Variants in TGFBR1 observed in about 807,000 individuals in gnomAD.
TGFBR1 encodes the protein transforming growth factor beta receptor 1.
In TGFBR1, 20 loss-of-function variants were observed where a neutral mutation model predicts 55.1. The ratio of observed to expected loss-of-function variants is 0.36; its 90% CI spans 0.26 to 0.53. The LOEUF (loss-of-function observed/expected upper bound fraction) is 0.53, where lower values mean the gene tolerates loss of function less well. Among genes scored for constraint, TGFBR1 ranks in the 20% least tolerant of loss-of-function variants. The pLI, the probability that TGFBR1 is intolerant of heterozygous loss-of-function variation, is 0.91. For synonymous variants in TGFBR1, 220 were observed against 214.8 expected, an observed-to-expected ratio of 1.02 and a Z score of -0.21; for missense variants, 385 against 617.6, an observed-to-expected ratio of 0.62 and a Z score of 3.99.
intron 1 of TGFBR1, chr9:99,127,787 T>C (rs1040997245): frequency 8.1e-6 from 3 of 370,764 alleles, no homozygotes; most frequent in Non-Finnish European, 1.6e-5. Flanking sequence ...TTGGAATGTT[T>C]GGATTTAAGA....
In TGFBR1 at chr9:99,126,503, G is replaced by C. The variant is rs10988717; in HGVS notation, c.98-2352G>C. On this transcript the variant is annotated intron_variant, in intron 1 of 8. Transcript: ENST00000374994. The stretch of plus-strand genomic sequence containing the variant: ...ATAAAAGTAATGCTTAGAAAACATG[G>C]GTTGAATGACTAATCATGAGTAAAG... 0.033 allele frequency among the ~76,000 whole-genome samples: 4,958 copies of C among 152,236 alleles called. 615 individuals carry two copies. The East Asian group carries it at 0.42, about 13-fold the overall frequency.
chr9:99,141,563 G>C (rs1021526626), intron 4 of TGFBR1, among the ~76,000 whole-genome samples: 1 of 152,122 alleles, frequency 6.6e-6, no homozygotes, highest in Non-Finnish European at 1.5e-5. Flanking sequence ...CTTTATTCTT[G>C]TATAAAAGGA....
intron 1 of TGFBR1, among the ~76,000 whole-genome samples, chr9:99,118,628 C>T (rs1048696431): frequency 6.7e-6 from 1 of 149,974 alleles, no homozygotes; most frequent in African/African-American, 2.5e-5. Flanking sequence ...GCCAAACTCC[C>T]TTACTGTTTT....
At chr9:99,106,003 C>T (rs73653737) in intron 1 of TGFBR1, among the ~76,000 whole-genome samples, 7 of 152,374 alleles carry the variant, frequency 4.6e-5, no homozygotes, top group African/African-American at 1.4e-4. Context: ...CGGAATGTTT[C>T]TTCTTTCGTG....
chr9:99,148,773 A>C (rs1014552131), intron 8 of TGFBR1, among the ~76,000 whole-genome samples: 1 of 151,998 alleles, frequency 6.6e-6, no homozygotes, highest in Non-Finnish European at 1.5e-5. Flanking sequence ...TCAAGGCTGC[A>C]GTGAGCTGAG....
intron 4 of TGFBR1, among the ~76,000 whole-genome samples, 187 bp from the exon 5 acceptor site, chr9:99,142,349 A>G (rs920280060): frequency 6.6e-6 from 1 of 152,246 alleles, no homozygotes; most frequent in African/African-American, 2.4e-5. Flanking sequence ...TACTCTGAGG[A>G]ACTAAAGGAT....
chr9:99,144,712 T>C lies in TGFBR1; in HGVS notation c.974-20T>C. 1 of 1,613,374 alleles carries C rather than the reference T, an allele frequency of 6.2e-7. No individual in the cohort carries two copies. The highest frequency in any genetic ancestry group is 8.5e-7 in the Non-Finnish European group (1 of 1,179,682). On this transcript the variant is annotated intron_variant, in intron 5 of 8. Coordinates refer to ENST00000374994, the MANE Select transcript of TGFBR1 (RefSeq NM_004612.4). ...TGGTATTACCTTTTAAGCAGTCATG[T>C]TTAATTTTTGATTCTTTAGGAAAGC... is the stretch of plus-strand genomic sequence containing the variant.
intron 2 of TGFBR1, among the ~76,000 whole-genome samples, chr9:99,131,784 C>T (rs542990981): frequency 3.3e-5 from 5 of 152,130 alleles, no homozygotes; most frequent in African/African-American, 1.2e-4. Context: ...GCCTGAGCAA[C>T]ATGGTGAAAC....
chr9:99,148,440 A>G (rs1397850602), intron 8 of TGFBR1, among the ~76,000 whole-genome samples: 1 of 152,158 alleles, frequency 6.6e-6, no homozygotes, highest in African/African-American at 2.4e-5. Flanking sequence ...AGCTGTTACT[A>G]TTACAATATT....
chr9:99,116,192 G>A (rs375175410), intron 1 of TGFBR1, among the ~76,000 whole-genome samples: 244 of 148,764 alleles, frequency 1.6e-3, no homozygotes, highest in African/African-American at 5.6e-3. Flanking sequence ...AAAAAAAAAG[G>A]CCACATAAGT....
chr9:99,143,677 T>A (rs1427990040), intron 5 of TGFBR1, among the ~76,000 whole-genome samples: 1 of 152,232 alleles, frequency 6.6e-6, no homozygotes, highest in Non-Finnish European at 1.5e-5. Context: ...ATCATAAAGT[T>A]CACCCACTTA....
intron 1 of TGFBR1, 142 bp downstream of exon 1, chr9:99,105,444 C>A: frequency 1.4e-6 from 1 of 732,546 alleles, no homozygotes; most frequent in Non-Finnish European, 1.7e-6. Flanking sequence ...GCTCTCGTGG[C>A]GCCGCGCGGC....
chr9:99,147,604 C>A (rs376660593), intron 7 of TGFBR1, 50 bp from the exon 8 acceptor site: 7 of 1,561,084 alleles, frequency 4.5e-6, no homozygotes, highest in Non-Finnish European at 6.1e-6. Flanking sequence ...AATGCCTTGG[C>A]ATTAGCTGAA....
At chr9:99,121,054 T>C (rs1444215175) in intron 1 of TGFBR1, among the ~76,000 whole-genome samples, 1 of 152,230 alleles carries the variant, frequency 6.6e-6, no homozygotes, top group Admixed American at 6.5e-5. Flanking sequence ...GGGAGTGCCC[T>C]GTTCTTTTAA....
At chr9:99,112,548 C>T (rs961976176) in intron 1 of TGFBR1, among the ~76,000 whole-genome samples, 2 of 152,134 alleles carry the variant, frequency 1.3e-5, no homozygotes, top group African/African-American at 4.8e-5. Flanking sequence ...TGGATGTCTT[C>T]GTTTTGTTCA....
chr9:99,116,141 C>T (rs1826728714), intron 1 of TGFBR1, among the ~76,000 whole-genome samples: 1 of 151,270 alleles, frequency 6.6e-6, no homozygotes, highest in Non-Finnish European at 1.5e-5. Flanking sequence ...CATTCTTTCT[C>T]CCCATGATCA....
At chr9:99,105,356 C>G (rs1052891616) in intron 1 of TGFBR1, 54 bp downstream of exon 1, 1 of 978,350 alleles carries the variant, frequency 1.0e-6, no homozygotes, top group Non-Finnish European at 1.2e-6. Flanking sequence ...CCGGACCCGG[C>G]CTCTGGCTCG....
intron 1 of TGFBR1, among the ~76,000 whole-genome samples, chr9:99,105,526 A>T (rs1826385490): frequency 6.7e-6 from 1 of 150,002 alleles, no homozygotes; most frequent in Admixed American, 6.6e-5. Flanking sequence ...GCGCGGGCGG[A>T]CGTGTCCGGC....
At chr9:99,145,010 G>T in intron 6 of TGFBR1, 122 bp downstream of exon 6, 1 of 1,138,396 alleles carries the variant, frequency 8.8e-7, no homozygotes, top group Non-Finnish European at 1.3e-6. Context: ...TTGCCAACAG[G>T]TAAGAAGATC....
Sources: gnomAD v4.1 joint callset for allele counts (sites outside exome capture counted in the v4.1 genomes callset) on GRCh38, gnomAD v4.1.1 for gene constraint, MANE v1.5 for transcripts, NCBI Gene and HGNC (gene_info 2026-07-23, HGNC 2026-07-21) for gene names.